The following KCNN2 variants were observed in gnomAD, a reference collection of about 807,000 sequenced individuals.
KCNN2 encodes the protein small conductance calcium-activated potassium channel protein 2.
A neutral mutation model predicts 55.5 loss-of-function variants in KCNN2; 24 were observed. The ratio of observed to expected loss-of-function variants is 0.43; its 90% CI spans 0.31 to 0.61. The LOEUF (loss-of-function observed/expected upper bound fraction) is 0.61, where lower values mean the gene tolerates loss of function less well. Ranked by LOEUF, KCNN2 falls within the 20% of genes least tolerant of loss-of-function variation. KCNN2 has a pLI of 0.08. For synonymous variants in KCNN2, 431 were observed against 336.1 expected, an observed-to-expected ratio of 1.28 and a Z score of -3.09; for missense variants, 754 against 853.6, an observed-to-expected ratio of 0.88 and a Z score of 1.45.
intron 3 of KCNN2, among the ~76,000 whole-genome samples, chr5:114,417,744 T>C (rs917605483): frequency 1.3e-5 from 2 of 152,168 alleles, no homozygotes; most frequent in African/African-American, 4.8e-5. Flanking sequence ...TCTGATTAGG[T>C]TAGGAGATGA....
intron 2 of KCNN2, among the ~76,000 whole-genome samples, chr5:114,294,800 G>A (rs1755972852): frequency 6.6e-6 from 1 of 152,124 alleles, no homozygotes; most frequent in Non-Finnish European, 1.5e-5. Context: ...GGGTGTTAAA[G>A]TCTCCCATTA....
chr5:114,426,400 A>G (rs182115091), intron 3 of KCNN2, among the ~76,000 whole-genome samples: 2 of 152,146 alleles, frequency 1.3e-5, no homozygotes, highest in Admixed American at 6.6e-5. Flanking sequence ...TTGGTTTGCT[A>G]GTATTTTGTT....
At position 114,404,580 on chromosome 5, in the gene KCNN2, C is replaced by T; in HGVS notation, c.1361C>T (p.Ala454Val). Residue 454 changes from alanine (A) to valine (V), a missense_variant, in exon 3 of 8, where the codon GCC (alanine) becomes GTC (valine). By Grantham distance (64) the Ala-to-Val change is moderately conservative. This residue lies in a region of KCNN2 where 123 missense variants were observed against 204.9 expected (regional missense o/e 0.60). Transcript: ENST00000673685. ...ACATTCACATGGACGGCCCGGCTTGCCTTCTCCTATGCCCCATCCACAACC... is the reference window on the plus strand; with the variant it reads ...ACATTCACATGGACGGCCCGGCTTGTCTTCTCCTATGCCCCATCCACAACC... The part of the protein sequence containing the change: ...NYTFTWTARL[A>V]FSYAPSTTTA... 1 of 1,613,852 alleles carries T rather than the reference C, an allele frequency of 6.2e-7. No individual in the cohort carries two copies. The highest frequency in any genetic ancestry group is 8.5e-7 in the Non-Finnish European group (1 of 1,179,996).
intron 2 of KCNN2, among the ~76,000 whole-genome samples, chr5:114,270,906 C>G (rs866299690): frequency 3.9e-5 from 6 of 152,180 alleles, no homozygotes; most frequent in African/African-American, 1.4e-4. Context: ...GTCTCACTGA[C>G]TTCAGGAGTG....
At chr5:114,429,320 T>G (rs1015706220) in intron 3 of KCNN2, among the ~76,000 whole-genome samples, 4 of 152,102 alleles carry the variant, frequency 2.6e-5, no homozygotes, top group Non-Finnish European at 4.4e-5. Flanking sequence ...CTAAAAAGAA[T>G]AGAAAGGATC....
chr5:114,323,993 G>A (rs902061894), intron 2 of KCNN2, among the ~76,000 whole-genome samples: 1 of 151,980 alleles, frequency 6.6e-6, no homozygotes, highest in East Asian at 1.9e-4. Flanking sequence ...GTTCTATAAG[G>A]TCCTATAAAA....
At chr5:114,297,643 C>G (rs1426261154) in intron 2 of KCNN2, among the ~76,000 whole-genome samples, 1 of 152,024 alleles carries the variant, frequency 6.6e-6, no homozygotes, top group Non-Finnish European at 1.5e-5. Context: ...ACAGAAAAAT[C>G]CTTCTTTGCA....
intron 2 of KCNN2, among the ~76,000 whole-genome samples, chr5:114,272,412 TCTAC>T (rs1755367045): frequency 8.7e-5 from 2 of 23,094 alleles, no homozygotes; most frequent in Non-Finnish European, 3.3e-4. Context: ...TATGTACATA[TCTAC>T]ACACATATGT....
At chr5:114,201,936 A>G (rs571043030) in intron 1 of KCNN2, among the ~76,000 whole-genome samples, 103 of 147,956 alleles carry the variant, frequency 7.0e-4, no homozygotes, top group African/African-American at 2.5e-3. Context: ...TGCCTTGGGT[A>G]TGTTACCAGA....
chr5:114,170,814 T>C lies in KCNN2; in HGVS notation c.-270-50666T>C, dbSNP rs187479918. ...TCTTTCAGTGCCCTAAACTACATTC[T>C]TGAATTCAGTCAGACCTTTAGAAAC... is the stretch of plus-strand genomic sequence containing the variant. On this transcript the variant is annotated intron_variant, in intron 1 of 10. Coordinates refer to the KCNN2 transcript ENST00000512097. 2.1e-3 allele frequency among the ~76,000 whole-genome samples: 318 copies of C among 152,140 alleles called. 1 individual carries two copies. The highest frequency in any genetic ancestry group is 7.1e-3 in the African/African-American group (295 of 41,560).
rs561310318 is a variant in KCNN2, at chr5:114,247,833, G to A, written c.-185+26268G>A. Among the ~76,000 whole-genome samples, 18 of 152,116 alleles carry A rather than the reference G, an allele frequency of 1.2e-4. 1 individual carries two copies. In the South Asian group the frequency reaches 3.7e-3, roughly 32 times the overall value. On this transcript the variant is annotated intron_variant, in intron 2 of 10. Coordinates refer to the KCNN2 transcript ENST00000512097. ...ATAGTAGTTTTTTTTTTCAGAGGAA[G>A]GATTATGTCTTAGGTGGGTTTCTGG...
chr5:114,439,117 G>A lies in KCNN2; in HGVS notation c.1638-23932G>A, dbSNP rs568912472. On this transcript the variant is annotated intron_variant, in intron 3 of 7. Transcript: ENST00000673685. Reference sequence around the variant, plus strand: ...ACTTGATATTCTCATAACCTTTTGCGTAACATCTAGAGGAGCTGGACAAAT... The same window carrying A: ...ACTTGATATTCTCATAACCTTTTGCATAACATCTAGAGGAGCTGGACAAAT... 1.8e-3 allele frequency among the ~76,000 whole-genome samples: 281 copies of A among 152,178 alleles called. 1 individual carries two copies. Among genetic ancestry groups the A allele is most frequent in the African/African-American group, 6.7e-3 (279 of 41,520 alleles).
At chr5:114,204,233 A>G (rs1424868338) in intron 1 of KCNN2, among the ~76,000 whole-genome samples, 4 of 152,154 alleles carry the variant, frequency 2.6e-5, no homozygotes, top group Non-Finnish European at 5.9e-5. Flanking sequence ...GTCACCTTCA[A>G]GGTTTTAAAA....
At chr5:114,485,895 C>T (rs1762417443) in intron 5 of KCNN2, among the ~76,000 whole-genome samples, 1 of 152,154 alleles carries the variant, frequency 6.6e-6, no homozygotes, top group South Asian at 2.1e-4. Flanking sequence ...TAAATACAAA[C>T]TTGGGCCCAT....
intron 1 of KCNN2, among the ~76,000 whole-genome samples, chr5:114,173,037 T>C (rs940149174): frequency 2.6e-5 from 4 of 151,986 alleles, no homozygotes; most frequent in African/African-American, 9.7e-5. Flanking sequence ...TTTTCCTCAA[T>C]ATTTTCTTTC....
intron 5 of KCNN2, among the ~76,000 whole-genome samples, chr5:114,478,983 A>T (rs1254047291): frequency 6.6e-6 from 1 of 151,954 alleles, no homozygotes; most frequent in Non-Finnish European, 1.5e-5. Context: ...TGAAGCAACC[A>T]AATAAGCAAC....
chr5:114,317,777 T>C (rs1023357941), intron 2 of KCNN2, among the ~76,000 whole-genome samples: 11 of 152,248 alleles, frequency 7.2e-5, no homozygotes, highest in African/African-American at 2.7e-4. Context: ...GAAATAAAAG[T>C]AGCTTACACA....
intron 6 of KCNN2, chr5:114,490,657 G>C (rs2150140511): frequency 2.5e-6 from 1 of 397,884 alleles, no homozygotes; most frequent in Non-Finnish European, 4.4e-6. Context: ...CTTTTCTTTT[G>C]TTTTGTCTTT....
intron 1 of KCNN2, among the ~76,000 whole-genome samples, chr5:114,139,876 T>C (rs940252168): frequency 3.9e-5 from 6 of 151,948 alleles, no homozygotes; most frequent in African/African-American, 1.4e-4. Flanking sequence ...CTGCTTTCCA[T>C]CTGCATACCT....
Sources: gnomAD v4.1 joint callset for allele counts (sites outside exome capture counted in the v4.1 genomes callset) on GRCh38, gnomAD v4.1.1 for gene constraint, gnomAD v4.1.1 regional missense constraint, MANE v1.5 for transcripts, NCBI Gene and HGNC (gene_info 2026-07-23, HGNC 2026-07-21) for gene names.